MICAL2: variants seen among roughly 807,000 people sequenced by gnomAD.
MICAL2 encodes the protein [F-actin]-monooxygenase MICAL2.
A neutral mutation model predicts 127.3 loss-of-function variants in MICAL2; 77 were observed. The ratio of observed to expected loss-of-function variants is 0.60; its 90% CI spans 0.50 to 0.73. The LOEUF (loss-of-function observed/expected upper bound fraction) is 0.73, where lower values mean the gene tolerates loss of function less well. Among genes scored for constraint, MICAL2 ranks in the 30% least tolerant of loss-of-function variants. The pLI is 0.00. For synonymous variants in MICAL2, 570 were observed against 551.1 expected (o/e 1.03, Z -0.48); for missense variants, 1,351 against 1,434.4 (o/e 0.94, Z 0.94).
chr11:12,271,124 A>G (rs1863670548), upstream of MICAL2, among the ~76,000 whole-genome samples: 1 of 152,140 alleles, frequency 6.6e-6, no homozygotes, highest in Non-Finnish European at 1.5e-5. Context: ...ATCTTTTGTC[A>G]GGGAGCAGGT....
At chr11:12,216,178 C>G in intron 7 of MICAL2, 41 bp from the exon 8 acceptor site, 2 of 1,452,304 alleles carry the variant, frequency 1.4e-6, no homozygotes, top group South Asian at 1.1e-5. Flanking sequence ...CAGTTGGTGC[C>G]GAGGAAGTAA....
chr11:12,328,029 A>T (rs1239851915), intron 32 of MICAL2, among the ~76,000 whole-genome samples: 1 of 152,174 alleles, frequency 6.6e-6, no homozygotes, highest in Non-Finnish European at 1.5e-5. Context: ...TATAGAACTG[A>T]TATAAGGATT....
Position 12,227,045 on chromosome 11 carries a change from G to A in MICAL2, c.1909G>A (p.Gly637Arg). 1 of 1,613,976 alleles carries A rather than the reference G, an allele frequency of 6.2e-7. No homozygotes were observed. Among genetic ancestry groups the A allele is most frequent in the South Asian group, 1.1e-5 (1 of 91,064 alleles). The stretch of plus-strand genomic sequence containing the variant: ...AACAGATTCTTGGCGCAAAAACTAT[G>A]GAGAAAATGCTGACCTCAGCTTGGC... ...RPVDSWRKNY[G>R]ENADLSLAKS... The change falls in exon 15 of 28, where the codon GGA becomes AGA. Residue 637 changes from glycine (G) to arginine (R), a missense_variant. Physicochemically the swap from Gly to Arg is moderately radical, Grantham distance 125 (BLOSUM62 -2). Coordinates refer to ENST00000683283, the MANE Select transcript of MICAL2 (RefSeq NM_001282663.2).
chr11:12,319,983 TA>T (rs1012717441), intron 30 of MICAL2, among the ~76,000 whole-genome samples: 11 of 151,732 alleles, frequency 7.2e-5, no homozygotes, highest in Non-Finnish European at 1.6e-4. Context: ...TTATCTTCTT[TA>T]AAAAAAACTT....
chr11:12,128,738 G>T (rs2133533290), intron 1 of MICAL2, among the ~76,000 whole-genome samples: 1 of 152,288 alleles, frequency 6.6e-6, no homozygotes, highest in East Asian at 1.9e-4. Context: ...AACCCATTTT[G>T]GTTTCCCAAA....
downstream of MICAL2, chr11:12,294,072 G>C: frequency 6.2e-7 from 1 of 1,614,114 alleles, no homozygotes. Flanking sequence ...TCCCAGAAAA[G>C]TGCTGAGAAT....
intron 16 of MICAL2, among the ~76,000 whole-genome samples, chr11:12,238,587 T>A (rs927835866): frequency 6.6e-6 from 1 of 152,194 alleles, no homozygotes; most frequent in African/African-American, 2.4e-5. Flanking sequence ...TGTCATTCTG[T>A]AACAGAAACT....
intron 14 of MICAL2, 81 bp from the exon 15 acceptor site, chr11:12,226,944 C>A: frequency 3.6e-6 from 4 of 1,122,408 alleles, no homozygotes; most frequent in South Asian, 1.3e-5. Flanking sequence ...TGAGCCACCA[C>A]ACCCAGCCAA....
At chr11:12,153,959 G>C (rs1455038874) in intron 2 of MICAL2, among the ~76,000 whole-genome samples, 1 of 152,210 alleles carries the variant, frequency 6.6e-6, no homozygotes, top group Non-Finnish European at 1.5e-5. Flanking sequence ...TGTCAACCAG[G>C]TACACAGGTT....
At chr11:12,203,570 G>A (rs1203741115) in intron 3 of MICAL2, among the ~76,000 whole-genome samples, 1 of 152,158 alleles carries the variant, frequency 6.6e-6, no homozygotes, top group Non-Finnish European at 1.5e-5. Context: ...CTGAAGAAAG[G>A]TCTACTAAAA....
chr11:12,330,900 AGTGTGTGTGTGT>A (rs200754218), intron 32 of MICAL2, among the ~76,000 whole-genome samples: 18 of 119,448 alleles, frequency 1.5e-4, no homozygotes, highest in South Asian at 6.1e-4. Context: ...AGAGAGAGAG[AGTGTGTGTGTGT>A]GTGTGTGTGT....
intron 3 of MICAL2, among the ~76,000 whole-genome samples, chr11:12,185,769 A>G (rs1317205352): frequency 6.6e-6 from 1 of 152,180 alleles, no homozygotes; most frequent in Non-Finnish European, 1.5e-5. Flanking sequence ...TACAGTGTGT[A>G]AAAAAGAAGA....
At chr11:12,361,570 G>A (rs1027962627), downstream of MICAL2, among the ~76,000 whole-genome samples, 2 of 152,156 alleles carry the variant, frequency 1.3e-5, no homozygotes, top group African/African-American at 4.8e-5. Flanking sequence ...ATCATCTCAG[G>A]TTGTACTGTT....
downstream of MICAL2, among the ~76,000 whole-genome samples, chr11:12,267,681 A>G (rs970260208): frequency 1.3e-5 from 2 of 152,170 alleles, no homozygotes; most frequent in African/African-American, 4.8e-5. Flanking sequence ...AGCTCGCTGC[A>G]AACTTCACCT....
At chr11:12,344,635 G>C (rs1028831714) in intron 32 of MICAL2, among the ~76,000 whole-genome samples, 1 of 149,850 alleles carries the variant, frequency 6.7e-6, no homozygotes, top group African/African-American at 2.4e-5. Flanking sequence ...GAGTAGTTGG[G>C]ATTACAGGTG....
At chr11:12,135,645 C>T (rs1315923765) in intron 1 of MICAL2, among the ~76,000 whole-genome samples, 1 of 152,218 alleles carries the variant, frequency 6.6e-6, no homozygotes, top group East Asian at 1.9e-4. Context: ...GGCCACCCAA[C>T]TAATTTAAAG....
intron 21 of MICAL2, among the ~76,000 whole-genome samples, chr11:12,248,679 G>T (rs77099342): frequency 1.3e-3 from 200 of 152,310 alleles, no homozygotes; most frequent in African/African-American, 4.4e-3. Context: ...GGGTTTACTC[G>T]AGAGATTTGC....
intron 3 of MICAL2, among the ~76,000 whole-genome samples, chr11:12,186,507 T>G (rs748646870): frequency 2.0e-5 from 3 of 152,196 alleles, no homozygotes; most frequent in Non-Finnish European, 2.9e-5. Context: ...AGATTATTTA[T>G]CCCACGATTT....
chr11:12,153,480 C>A (rs1222839287), intron 2 of MICAL2, among the ~76,000 whole-genome samples: 1 of 152,194 alleles, frequency 6.6e-6, no homozygotes, highest in African/African-American at 2.4e-5. Context: ...CTCTGTCACC[C>A]AGGCTGGAGT....
Sources: allele counts gnomAD v4.1 joint callset (sites outside exome capture counted in the v4.1 genomes callset), GRCh38; gene constraint gnomAD v4.1.1; transcripts MANE v1.5; gene names NCBI Gene and HGNC (gene_info 2026-07-23, HGNC 2026-07-21).